NKAIN3: variants seen among roughly 807,000 people sequenced by gnomAD.
NKAIN3 encodes the protein sodium/potassium transporting ATPase interacting 3.
A neutral mutation model predicts 30.2 loss-of-function variants in NKAIN3; 25 were observed. That is an observed-to-expected ratio of 0.83 (90% CI 0.60 to 1.16). NKAIN3 has a LOEUF of 1.16. Ranked by LOEUF, NKAIN3 falls within the 50% of genes most tolerant of loss-of-function variation. The pLI is 0.00. For synonymous variants in NKAIN3, 91 were observed against 89.6 expected, an observed-to-expected ratio of 1.02 and a Z score of -0.09; for missense variants, 225 against 254.1, an observed-to-expected ratio of 0.89 and a Z score of 0.78.
intron 4 of NKAIN3, among the ~76,000 whole-genome samples, chr8:62,777,278 A>G (rs1465541675): frequency 6.6e-6 from 1 of 152,106 alleles, no homozygotes; most frequent in Admixed American, 6.6e-5. Flanking sequence ...CTTTGAATAA[A>G]CTTTTTAACC....
chr8:62,320,617 T>G (rs1814848428), intron 1 of NKAIN3, among the ~76,000 whole-genome samples: 1 of 152,200 alleles, frequency 6.6e-6, no homozygotes, highest in Admixed American at 6.5e-5. Flanking sequence ...GATATGAAAT[T>G]CTGGATTGAA....
intron 4 of NKAIN3, among the ~76,000 whole-genome samples, chr8:62,784,921 C>T (rs1258358170): frequency 1.3e-5 from 2 of 152,032 alleles, no homozygotes; most frequent in African/African-American, 2.4e-5. Context: ...CACTTCACAC[C>T]CACTAATTGG....
intron 3 of NKAIN3, among the ~76,000 whole-genome samples, chr8:62,668,397 A>G (rs924579193): frequency 2.0e-5 from 3 of 152,244 alleles, no homozygotes; most frequent in Non-Finnish European, 4.4e-5. Flanking sequence ...TGATAAAAGG[A>G]ACAATGGAAT....
At chr8:62,709,172 C>A (rs1410635256) in intron 3 of NKAIN3, among the ~76,000 whole-genome samples, 2 of 152,060 alleles carry the variant, frequency 1.3e-5, no homozygotes, top group African/African-American at 4.8e-5. Flanking sequence ...GGATATCAAT[C>A]TGTAGTTTTC....
chr8:62,977,034 G>A lies in NKAIN3; in HGVS notation c.*11627G>A, dbSNP rs912034134. Among the ~76,000 whole-genome samples, 1 of 152,166 alleles carries A rather than the reference G, an allele frequency of 6.6e-6. No individual in the cohort carries two copies. The highest frequency in any genetic ancestry group is 6.5e-5 in the Admixed American group (1 of 15,284). On this transcript the variant is annotated 3_prime_UTR_variant, in exon 7 of 7. Transcript: ENST00000623646. ...CCCCCAATCTCTTGTGGCTTTTAGGGTTTCTGCAGAGAGATCTGCTGTTAG... is the reference window on the plus strand; with the variant it reads ...CCCCCAATCTCTTGTGGCTTTTAGGATTTCTGCAGAGAGATCTGCTGTTAG...
intron 4 of NKAIN3, chr8:62,856,648 T>C (rs2130782105): frequency 1.3e-6 from 1 of 770,124 alleles, no homozygotes; most frequent in Non-Finnish European, 2.4e-6. Context: ...TTGGCACAGA[T>C]ACACAGCACT....
intron 1 of NKAIN3, among the ~76,000 whole-genome samples, chr8:62,380,598 G>T (rs949570959): frequency 2.6e-5 from 4 of 152,194 alleles, no homozygotes; most frequent in African/African-American, 9.7e-5. Context: ...GAGTGTCTCT[G>T]TGCTGGTCCT....
chr8:62,818,922 C>T (rs761948209), intron 4 of NKAIN3, among the ~76,000 whole-genome samples: 3 of 151,618 alleles, frequency 2.0e-5, no homozygotes, highest in African/African-American at 2.4e-5. Flanking sequence ...GGGAAGATTG[C>T]TACAGATTAA....
intron 1 of NKAIN3, among the ~76,000 whole-genome samples, chr8:62,562,625 T>C (rs959661741): frequency 7.2e-5 from 11 of 152,104 alleles, no homozygotes; most frequent in African/African-American, 2.7e-4. Flanking sequence ...AGATAAGTAG[T>C]TGATGGTGTT....
chr8:62,925,142 T>C (rs1822399026), intron 5 of NKAIN3, among the ~76,000 whole-genome samples: 1 of 152,176 alleles, frequency 6.6e-6, no homozygotes, highest in Admixed American at 6.5e-5. Flanking sequence ...TGTCTCTGAA[T>C]CTGCACTCAA....
intron 3 of NKAIN3, among the ~76,000 whole-genome samples, chr8:62,683,237 T>C (rs144725578): frequency 0.019 from 2,895 of 152,200 alleles, 87 homozygotes; most frequent in African/African-American, 0.065. Flanking sequence ...GGTTTCACCG[T>C]GTTAACCAGG....
At chr8:62,292,295 T>A (rs1813668131) in intron 1 of NKAIN3, among the ~76,000 whole-genome samples, 1 of 152,192 alleles carries the variant, frequency 6.6e-6, no homozygotes, top group Admixed American at 6.5e-5. Flanking sequence ...TAGCTGGTTA[T>A]TTTGCTTGTT....
intron 4 of NKAIN3, among the ~76,000 whole-genome samples, chr8:62,786,209 C>A (rs762050026): frequency 6.6e-6 from 1 of 152,078 alleles, no homozygotes; most frequent in Non-Finnish European, 1.5e-5. Flanking sequence ...TGCAGAGCTA[C>A]TTACACTAGA....
At chr8:62,751,639 A>C (rs1312814674) in intron 4 of NKAIN3, among the ~76,000 whole-genome samples, 1 of 152,144 alleles carries the variant, frequency 6.6e-6, no homozygotes, top group Non-Finnish European at 1.5e-5. Flanking sequence ...CTCTTCTATT[A>C]AATATATTGA....
intron 3 of NKAIN3, among the ~76,000 whole-genome samples, chr8:62,687,192 C>T (rs1289352566): frequency 6.6e-6 from 1 of 152,184 alleles, no homozygotes; most frequent in Non-Finnish European, 1.5e-5. Context: ...ACAAATTAAA[C>T]TTTTCTCATT....
chr8:62,345,832 G>A (rs1000180588), intron 1 of NKAIN3, among the ~76,000 whole-genome samples: 2 of 151,912 alleles, frequency 1.3e-5, no homozygotes, highest in Admixed American at 6.6e-5. Flanking sequence ...CAGTATGTGT[G>A]TGTGTGTATG....
intron 1 of NKAIN3, among the ~76,000 whole-genome samples, chr8:62,289,758 G>A (rs1813521943): frequency 6.6e-6 from 1 of 152,118 alleles, no homozygotes; most frequent in African/African-American, 2.4e-5. Context: ...CTTTAAAGTA[G>A]TTTTTTCCAG....
chr8:62,827,574 C>A (rs1467155499), intron 4 of NKAIN3, among the ~76,000 whole-genome samples: 7 of 152,108 alleles, frequency 4.6e-5, no homozygotes, highest in Non-Finnish European at 1.0e-4. Flanking sequence ...GGGCAAGAGG[C>A]AGATGACCTG....
chr8:62,535,509 G>A (rs185261419), intron 1 of NKAIN3, among the ~76,000 whole-genome samples: 3 of 152,234 alleles, frequency 2.0e-5, no homozygotes, highest in African/African-American at 7.2e-5. Context: ...TGACCACCGG[G>A]CTTCAAGTTG....
Sources: gnomAD v4.1 joint callset for allele counts (sites outside exome capture counted in the v4.1 genomes callset) on GRCh38, gnomAD v4.1.1 for gene constraint, MANE v1.5 for transcripts, NCBI Gene and HGNC (gene_info 2026-07-23, HGNC 2026-07-21) for gene names.